Variants in KAZN observed in about 807,000 individuals in gnomAD.
KAZN encodes the protein kazrin.
In KAZN, 40 loss-of-function variants were observed where a neutral mutation model predicts 87.4. The observed-to-expected ratio is 0.46, with a 90% CI of 0.36 to 0.60. The LOEUF (loss-of-function observed/expected upper bound fraction) is 0.60, where lower values mean the gene tolerates loss of function less well. KAZN is among the 20% of genes least tolerant of loss of function. The pLI is 0.00. For missense variants in KAZN, 898 were observed against 1,073.9 expected (o/e 0.84, Z 2.29); for synonymous variants, 466 against 458.3 (o/e 1.02, Z -0.22).
chr1:15,062,078 G>A (rs561100822), intron 6 of KAZN: 2 of 152,312 alleles, frequency 1.3e-5, no homozygotes, highest in East Asian at 3.9e-4. Context: ...GTCTTCTCGT[G>A]GTGGGCCCAT....
intron 2 of KAZN, among the ~76,000 whole-genome samples, chr1:14,962,657 G>A (rs1664018638): frequency 1.3e-5 from 2 of 152,198 alleles, no homozygotes; most frequent in Admixed American, 1.3e-4. Context: ...ATCATGTAGT[G>A]GAGAGTAGGG....
chr1:14,712,958 C>T (rs1168929189), intron 1 of KAZN, among the ~76,000 whole-genome samples: 1 of 152,162 alleles, frequency 6.6e-6, no homozygotes, highest in Non-Finnish European at 1.5e-5. Context: ...TATAGATGCT[C>T]ATGTATCAGT....
At chr1:14,149,865 C>A (rs1487278471) in intron 1 of KAZN, among the ~76,000 whole-genome samples, 2 of 152,094 alleles carry the variant, frequency 1.3e-5, no homozygotes, top group East Asian at 1.9e-4. Flanking sequence ...GTGTGATTTG[C>A]ATATGGAACA....
intron 1 of KAZN, among the ~76,000 whole-genome samples, chr1:14,899,639 AG>A (rs1655640284): frequency 6.6e-6 from 1 of 152,120 alleles, no homozygotes; most frequent in African/African-American, 2.4e-5. Context: ...CAAGATCATG[AG>A]GCCCGGATTT....
Position 14,910,272 on chromosome 1 carries a change from A to C in KAZN, c.227-50412A>C, listed in dbSNP as rs1197404137. 2.6e-5 allele frequency among the ~76,000 whole-genome samples: 4 copies of C among 152,146 alleles called. No homozygotes were observed. The East Asian group carries it at 5.8e-4, about 22-fold the overall frequency. The stretch of plus-strand genomic sequence containing the variant: ...TCCCAGGAGTGCGAGTGAGCGCTCC[A>C]TATCCATCACAATGACAGAAAAGGA... On this transcript the variant is annotated intron_variant, in intron 1 of 14. Transcript: ENST00000376030.
rs374788321 is a variant in KAZN at position 14,131,492 on chromosome 1, C to A, written c.92-48943C>A. Among the ~76,000 whole-genome samples the A allele has an allele frequency of 6.9e-4, 105 of 152,154 alleles. 1 individual carries two copies. The highest frequency in any genetic ancestry group is 2.4e-3 in the African/African-American group (100 of 41,530). On this transcript the variant is annotated intron_variant, in intron 1 of 16. Coordinates refer to the KAZN transcript ENST00000636203. ...AACAAACTTAGTGTAGAAGGAGAAA[C>A]CTTCTCCAGCACATTAGATATATGT...
chr1:14,039,667 A>T (rs1381111738), intron 1 of KAZN, among the ~76,000 whole-genome samples: 1 of 152,194 alleles, frequency 6.6e-6, no homozygotes, highest in Non-Finnish European at 1.5e-5. Flanking sequence ...CATTTTACTA[A>T]TTGATTTATG....
intron 2 of KAZN, among the ~76,000 whole-genome samples, chr1:14,337,540 C>T (rs150860550): frequency 1.5e-3 from 226 of 152,240 alleles, no homozygotes; most frequent in Non-Finnish European, 1.9e-3. Flanking sequence ...TAAAATTGTC[C>T]TCCTTTCCTC....
intron 4 of KAZN, among the ~76,000 whole-genome samples, chr1:15,051,094 C>T (rs1050780988): frequency 6.6e-6 from 1 of 152,266 alleles, no homozygotes; most frequent in African/African-American, 2.4e-5. Context: ...GGAGCACCAG[C>T]CTTCCGATGT....
chr1:14,514,396 T>TTATATA (rs1671126980), intron 2 of KAZN, among the ~76,000 whole-genome samples: 2 of 11,260 alleles, frequency 1.8e-4, no homozygotes, highest in African/African-American at 5.9e-4. Flanking sequence ...ATTATATATA[T>TTATATA]TTATATATAT....
intron 1 of KAZN, among the ~76,000 whole-genome samples, chr1:14,906,866 G>A (rs963477121): frequency 5.5e-5 from 8 of 145,914 alleles, no homozygotes; most frequent in Non-Finnish European, 1.2e-4. Flanking sequence ...GTCCACACCC[G>A]CTCCCCGCCT....
At position 14,465,687 on chromosome 1, in the gene KAZN, A is replaced by C. The variant is rs569845824; in HGVS notation, c.250-133296A>C. Among the ~76,000 whole-genome samples the C allele has an allele frequency of 4.6e-5, 7 of 152,242 alleles. No individual in the cohort carries two copies. The South Asian group carries it at 1.5e-3, about 32-fold the overall frequency. On this transcript the variant is annotated intron_variant, in intron 2 of 16. Coordinates refer to the KAZN transcript ENST00000636203. ...CACTGAGGCCAGTCTTGTCAAGGGG[A>C]GGGAACTTGGACTCAACAGGCAGAG... is the stretch of plus-strand genomic sequence containing the variant.
intron 1 of KAZN, among the ~76,000 whole-genome samples, chr1:14,641,781 A>G (rs950871137): frequency 6.6e-6 from 1 of 152,226 alleles, no homozygotes; most frequent in Admixed American, 6.5e-5. Context: ...ACACGACACC[A>G]AAAGCACAAC....
intron 1 of KAZN, among the ~76,000 whole-genome samples, chr1:14,652,474 C>CACACCCTT (rs1638455513): frequency 1.7e-5 from 1 of 57,672 alleles, no homozygotes; most frequent in African/African-American, 6.3e-5. Context: ...CATCCACCCA[C>CACACCCTT]CCACCCGCCC....
At chr1:15,004,747 G>C (rs1239387206) in intron 2 of KAZN, among the ~76,000 whole-genome samples, 1 of 152,136 alleles carries the variant, frequency 6.6e-6, no homozygotes, top group Non-Finnish European at 1.5e-5. Flanking sequence ...GCATTAAATG[G>C]GGGGTTCAAA....
chr1:14,384,112 T>C (rs1313639177), intron 2 of KAZN, among the ~76,000 whole-genome samples: 2 of 151,210 alleles, frequency 1.3e-5, no homozygotes, highest in African/African-American at 2.4e-5. Flanking sequence ...TTTGGCTCTC[T>C]GTTTGTCTGT....
At chr1:13,922,236 C>T (rs1640096254) in intron 1 of KAZN, among the ~76,000 whole-genome samples, 1 of 152,084 alleles carries the variant, frequency 6.6e-6, no homozygotes, top group South Asian at 2.1e-4. Context: ...CGGTCCCCCG[C>T]CCCCAACTCT....
intron 2 of KAZN, among the ~76,000 whole-genome samples, chr1:14,572,941 G>C (rs1674960216): frequency 6.6e-6 from 1 of 152,162 alleles, no homozygotes; most frequent in African/African-American, 2.4e-5. Flanking sequence ...AGACAATAAA[G>C]AAATAAAGTT....
chr1:14,445,597 A>T (rs1666941219), intron 2 of KAZN, among the ~76,000 whole-genome samples: 1 of 152,000 alleles, frequency 6.6e-6, no homozygotes, highest in Non-Finnish European at 1.5e-5. Flanking sequence ...AAGCCCCCCG[A>T]CTGTGGTATT....
Sources: allele counts gnomAD v4.1 joint callset (sites outside exome capture counted in the v4.1 genomes callset), GRCh38; gene constraint gnomAD v4.1.1; transcripts MANE v1.5; gene names NCBI Gene and HGNC (gene_info 2026-07-23, HGNC 2026-07-21).